DOCK3: variants seen among roughly 807,000 people sequenced by gnomAD.
DOCK3 encodes the protein dedicator of cytokinesis 3, also known as dedicator of cytokinesis protein 3.
Under a neutral mutation model 265.6 loss-of-function variants are expected in DOCK3, and 60 were observed. That is an observed-to-expected ratio of 0.23 (90% confidence interval 0.18 to 0.28). The LOEUF (loss-of-function observed/expected upper bound fraction) is 0.28. DOCK3 is among the 10% of genes least tolerant of loss of function. The probability of loss-of-function intolerance (pLI) is 1.00; values close to 1 mark genes in which losing one functional copy is unlikely to be tolerated. For missense variants in DOCK3, 1,981 were observed against 2,594.3 expected, an observed-to-expected ratio of 0.76 and a Z score of 5.14; for synonymous variants, 881 against 938.0, an observed-to-expected ratio of 0.94 and a Z score of 1.11.
chr3:51,112,249 CACAT>C (rs1251429285), intron 9 of DOCK3, among the ~76,000 whole-genome samples: 1 of 152,078 alleles, frequency 6.6e-6, no homozygotes, highest in South Asian at 2.1e-4. Context: ...GTTATAAAGA[CACAT>C]GCATGCATAT....
chr3:51,114,687 A>G (rs1338986416), intron 9 of DOCK3, among the ~76,000 whole-genome samples: 1 of 151,966 alleles, frequency 6.6e-6, no homozygotes, highest in African/African-American at 2.4e-5. Context: ...AAGTTCTGGG[A>G]TGCATGTGCA....
chr3:50,864,952 T>C (rs1316167335), intron 3 of DOCK3, among the ~76,000 whole-genome samples: 1 of 149,856 alleles, frequency 6.7e-6, no homozygotes, highest in Non-Finnish European at 1.5e-5. Context: ...CATTTTAGGA[T>C]TTTTTTTTTC....
intron 5 of DOCK3, among the ~76,000 whole-genome samples, chr3:50,966,859 T>C (rs962702868): frequency 1.3e-5 from 2 of 152,144 alleles, no homozygotes; most frequent in African/African-American, 4.8e-5. Context: ...AACAAAAGTC[T>C]TGTGATGATT....
chr3:50,786,742 C>G, intron 2 of DOCK3: 1 of 728,644 alleles, frequency 1.4e-6, no homozygotes, highest in Non-Finnish European at 2.6e-6. Context: ...CATGAAAATA[C>G]TGCTTCGTGT....
At chr3:50,828,736 C>T (rs551341667) in intron 2 of DOCK3, among the ~76,000 whole-genome samples, 67 of 151,608 alleles carry the variant, frequency 4.4e-4, no homozygotes, top group Non-Finnish European at 8.5e-4. Flanking sequence ...TTTATTGAGA[C>T]GGAGTCTCAC....
intron 2 of DOCK3, among the ~76,000 whole-genome samples, chr3:50,784,215 C>T (rs2042070751): frequency 1.3e-5 from 2 of 152,196 alleles, no homozygotes; most frequent in Admixed American, 6.5e-5. Flanking sequence ...CAGTTTCATT[C>T]TTCTACATGT....
Position 51,064,430 on chromosome 3 carries a change from C to T in DOCK3, c.316-18C>T. 6.2e-7 allele frequency: 1 copy of T among 1,613,076 alleles called. No homozygotes were observed. On this transcript the variant is annotated intron_variant, in intron 5 of 52. Transcript: ENST00000266037. Reference sequence around the variant, plus strand: ...CATGTCTCTTGTATTTCACCCAACACCAAAAATGCCCTTTCAGAAACACAA... The same window carrying T: ...CATGTCTCTTGTATTTCACCCAACATCAAAAATGCCCTTTCAGAAACACAA...
intron 9 of DOCK3, among the ~76,000 whole-genome samples, chr3:51,133,762 T>C (rs934802083): frequency 6.6e-6 from 1 of 152,020 alleles, no homozygotes; most frequent in African/African-American, 2.4e-5. Context: ...TGTGGGATAA[T>C]GGTGGAAGGA....
Position 50,785,350 on chromosome 3 carries a change from C to T in DOCK3, c.121+6592C>T, listed in dbSNP as rs113798859. On this transcript the variant is annotated intron_variant, in intron 2 of 52. Coordinates refer to ENST00000266037, the MANE Select transcript of DOCK3 (RefSeq NM_004947.5). ...ATTGCTGTGGCTAGGACTTCCAGTA[C>T]TATGTTGAAGAGAAGTGGTAAAAGT... Among the ~76,000 whole-genome samples, 427 of 152,158 alleles carry T rather than the reference C, an allele frequency of 2.8e-3. 3 individuals are homozygous for T. Among genetic ancestry groups the T allele is most frequent in the African/African-American group, 9.8e-3 (408 of 41,494 alleles).
rs772033575 is a variant in DOCK3 at position 51,350,352 on chromosome 3, G to A, written c.4067G>A (p.Arg1356Gln). ...CAACGCCTGGAGCCTGAGTTCTTTC[G>A]GGTCGGCTTCTATGGCAGGAAGTTT... Reference protein sequence around the residue: ...EQQRLEPEFFRVGFYGRKFPF... With the variant: ...EQQRLEPEFFQVGFYGRKFPF... Residue 1356 changes from arginine (R) to glutamine (Q), a missense_variant, in exon 40 of 53, where the codon CGG becomes CAG. Arg to Gln is a conservative substitution (Grantham distance 43, BLOSUM62 1). Coordinates refer to ENST00000266037, the MANE Select transcript of DOCK3 (RefSeq NM_004947.5). The A allele has an allele frequency of 7.4e-6, 12 of 1,612,036 alleles. No homozygotes were observed. Among genetic ancestry groups the A allele is most frequent in the African/African-American group, 1.3e-5 (1 of 74,714 alleles).
chr3:50,979,091 GA>G (rs1253560557), intron 5 of DOCK3, among the ~76,000 whole-genome samples: 8 of 152,138 alleles, frequency 5.3e-5, no homozygotes, highest in Admixed American at 2.0e-4. Flanking sequence ...TGGAAATGCA[GA>G]AATCACCCGT....
chr3:50,973,259 G>C (rs1452829340), intron 5 of DOCK3, among the ~76,000 whole-genome samples: 1 of 150,448 alleles, frequency 6.6e-6, no homozygotes, highest in Non-Finnish European at 1.5e-5. Flanking sequence ...TCTAGCCTTA[G>C]GTATATCTCC....
intron 9 of DOCK3, among the ~76,000 whole-genome samples, chr3:51,112,852 G>A (rs1412049355): frequency 1.3e-5 from 2 of 152,156 alleles, no homozygotes; most frequent in Non-Finnish European, 2.9e-5. Context: ...CAATGTGTAG[G>A]AAAGGTGAAG....
chr3:50,889,977 T>G, intron 3 of DOCK3, 49 bp from the exon 4 acceptor site: 1 of 1,330,554 alleles, frequency 7.5e-7, no homozygotes. Context: ...ATATGAAATG[T>G]TAATCACAAT....
intron 47 of DOCK3, 34 bp downstream of exon 47, chr3:51,360,666 G>C (rs778316342): frequency 9.9e-6 from 16 of 1,612,566 alleles, no homozygotes; most frequent in African/African-American, 1.3e-5. Context: ...GTTCCCTCTG[G>C]AGAGGTGAGT....
Position 50,970,073 on chromosome 3 carries a change from A to AAAAAGAAAAG in DOCK3, c.315+36016_315+36025dup, listed in dbSNP as rs143144467. Among the ~76,000 whole-genome samples the AAAAAGAAAAG allele has an allele frequency of 2.4e-3, 358 of 151,760 alleles. 1 individual carries two copies. Among genetic ancestry groups the AAAAAGAAAAG allele is most frequent in the Admixed American group, 4.3e-3 (66 of 15,234 alleles). On this transcript the variant is annotated intron_variant, in intron 5 of 52. Coordinates refer to ENST00000266037, the MANE Select transcript of DOCK3 (RefSeq NM_004947.5). ...AGCAACAGAGCAAGACTCCATCTTA[A>AAAAAGAAAAG]AAAAGAAAAGAAAAGAAAAGAAAAG...
chr3:50,719,530 G>T (rs1289207834), intron 1 of DOCK3: 4 of 1,145,080 alleles, frequency 3.5e-6, no homozygotes, highest in African/African-American at 3.0e-5. Context: ...TGGTCTTGCC[G>T]TTTCTGGATC....
chr3:51,185,933 C>T (rs2087574218), intron 12 of DOCK3, among the ~76,000 whole-genome samples: 1 of 152,084 alleles, frequency 6.6e-6, no homozygotes, highest in African/African-American at 2.4e-5. Flanking sequence ...TGTATATTGC[C>T]TAGTTTTGGG....
intron 6 of DOCK3, among the ~76,000 whole-genome samples, chr3:51,068,502 T>G (rs1438529612): frequency 7.9e-6 from 1 of 126,056 alleles, no homozygotes; most frequent in Non-Finnish European, 1.6e-5. Flanking sequence ...GTTGCGCCAC[T>G]GCACTCCAGC....
Sources: allele counts gnomAD v4.1 joint callset (sites outside exome capture counted in the v4.1 genomes callset), GRCh38; gene constraint gnomAD v4.1.1; transcripts MANE v1.5; gene names NCBI Gene and HGNC (gene_info 2026-07-23, HGNC 2026-07-21).